The following PRDM16 variants were observed in gnomAD, a reference collection of about 807,000 sequenced individuals.
PRDM16 encodes the protein PR/SET domain 16.
Under a neutral mutation model 110.6 loss-of-function variants are expected in PRDM16, and 23 were observed. The ratio of observed to expected loss-of-function variants is 0.21; its 90% confidence interval spans 0.15 to 0.29. The LOEUF is 0.29. Ranked by LOEUF, PRDM16 falls within the 10% of genes least tolerant of loss-of-function variation. The probability of loss-of-function intolerance (pLI) is 1.00; values close to 1 mark genes in which losing one functional copy is unlikely to be tolerated. For synonymous variants in PRDM16, 799 were observed against 781.8 expected (o/e 1.02, Z -0.37); for missense variants, 1,615 against 1,794.3 (o/e 0.90, Z 1.81).
At chr1:3,154,789 G>A (rs991551981) in intron 1 of PRDM16, among the ~76,000 whole-genome samples, 1 of 152,204 alleles carries the variant, frequency 6.6e-6, no homozygotes, top group Non-Finnish European at 1.5e-5. Context: ...CCCTGGGTCA[G>A]GGGGTAGTGG....
chr1:3,197,603 A>G (rs1378063116), intron 2 of PRDM16, among the ~76,000 whole-genome samples: 1 of 152,234 alleles, frequency 6.6e-6, no homozygotes, highest in Non-Finnish European at 1.5e-5. Context: ...CTAAGACTGA[A>G]GAATCTACAG....
chr1:3,337,954 A>C (rs1378884954), intron 3 of PRDM16, among the ~76,000 whole-genome samples: 2 of 149,584 alleles, frequency 1.3e-5, no homozygotes, highest in African/African-American at 5.1e-5. Context: ...ACATATGCCC[A>C]CACACTGGCA....
At chr1:3,277,258 C>G (rs1640607222) in intron 3 of PRDM16, among the ~76,000 whole-genome samples, 1 of 152,208 alleles carries the variant, frequency 6.6e-6, no homozygotes, top group Non-Finnish European at 1.5e-5. Context: ...CTGGATCTTG[C>G]AAACAGTCGA....
intron 3 of PRDM16, among the ~76,000 whole-genome samples, chr1:3,270,556 A>G (rs577056982): frequency 1.4e-5 from 2 of 147,302 alleles, no homozygotes; most frequent in Admixed American, 1.3e-4. Flanking sequence ...AAGACAGTCA[A>G]GAGGAGCATA....
At chr1:3,301,018 C>T (rs546073295) in intron 3 of PRDM16, among the ~76,000 whole-genome samples, 149 of 152,262 alleles carry the variant, frequency 9.8e-4, no homozygotes, top group African/African-American at 3.3e-3. Context: ...CCCACCAAAC[C>T]TGACATGAAG....
chr1:3,205,358 C>A (rs541657830), intron 2 of PRDM16, among the ~76,000 whole-genome samples: 1 of 152,098 alleles, frequency 6.6e-6, no homozygotes, highest in Admixed American at 6.5e-5. Context: ...CACTTACACC[C>A]GGGAAAATGC....
chr1:3,417,931 T>C lies in PRDM16; in HGVS notation c.2795T>C (p.Phe932Ser). The change falls in exon 11 of 17, where the codon TTC becomes TCC. Residue 932 changes from phenylalanine (F) to serine (S), a missense_variant. By Grantham distance (155) the Phe-to-Ser change is radical (BLOSUM62 -2). This residue lies in a region of PRDM16 where 772 missense variants were observed against 748.3 expected (regional missense o/e 1.03). Transcript: ENST00000270722. ...LQPLPHHPFN[F>S]RSPPPTLSDP... ...CCCCTCCCCCACCACCCCTTCAACTTCCGGTCCCCACCCCCAACGCTCTCC... is the reference window on the plus strand; with the variant it reads ...CCCCTCCCCCACCACCCCTTCAACTCCCGGTCCCCACCCCCAACGCTCTCC... 1 of 1,612,592 alleles carries C rather than the reference T, an allele frequency of 6.2e-7. No homozygotes were observed. Among genetic ancestry groups the C allele is most frequent in the Non-Finnish European group, 8.5e-7 (1 of 1,179,418 alleles).
intron 3 of PRDM16, among the ~76,000 whole-genome samples, chr1:3,369,186 C>G (rs72849637): frequency 0.13 from 19,403 of 152,100 alleles, 1,907 homozygotes; most frequent in African/African-American, 0.28. Context: ...TCGGGGGGAG[C>G]GAGCGCGCTA....
chr1:3,288,513 C>T (rs765053553), intron 3 of PRDM16, among the ~76,000 whole-genome samples: 2 of 152,154 alleles, frequency 1.3e-5, no homozygotes, highest in Non-Finnish European at 2.9e-5. Context: ...GAGACCTGAG[C>T]CTGTGGCCAG....
At chr1:3,113,305 G>A (rs991065853) in intron 1 of PRDM16, among the ~76,000 whole-genome samples, 1 of 152,208 alleles carries the variant, frequency 6.6e-6, no homozygotes, top group Non-Finnish European at 1.5e-5. Context: ...CAGGACAGGG[G>A]CCCGGAGGAG....
intron 2 of PRDM16, among the ~76,000 whole-genome samples, chr1:3,212,816 C>T (rs1367050537): frequency 6.6e-6 from 1 of 152,220 alleles, no homozygotes; most frequent in Non-Finnish European, 1.5e-5. Flanking sequence ...CCTCCCTGAC[C>T]CCAGCTCTGC....
intron 9 of PRDM16, among the ~76,000 whole-genome samples, chr1:3,413,043 C>T (rs1643720373): frequency 6.6e-6 from 1 of 152,134 alleles, no homozygotes; most frequent in South Asian, 2.1e-4. Context: ...GACGGGTGCT[C>T]CTGGACACGT....
At position 3,081,782 on chromosome 1, in the gene PRDM16, G is replaced by T. The variant is rs1035973577; in HGVS notation, c.37+12486G>T. Among the ~76,000 whole-genome samples, 19 of 151,962 alleles carry T rather than the reference G, an allele frequency of 1.3e-4. No homozygotes were observed. In the Middle Eastern group the frequency reaches 0.014, roughly 109 times the overall value. ...CCCCCATGGAAGGCCCGTGTTGGGG[G>T]ACCTTCCATGGGCAGCAGGGCAGCA... On this transcript the variant is annotated intron_variant, in intron 1 of 16. Transcript: ENST00000270722. The surrounding 1 kb of genome is among the most constrained non-coding windows in gnomAD (Gnocchi z 4.6).
At chr1:3,238,389 A>G (rs1015621618) in intron 2 of PRDM16, among the ~76,000 whole-genome samples, 3 of 152,206 alleles carry the variant, frequency 2.0e-5, no homozygotes, top group Non-Finnish European at 2.9e-5. Flanking sequence ...GCCTCCATTC[A>G]TTGGATGGAT....
At chr1:3,355,101 C>G (rs921967750) in intron 3 of PRDM16, among the ~76,000 whole-genome samples, 1 of 152,068 alleles carries the variant, frequency 6.6e-6, no homozygotes, top group East Asian at 1.9e-4. Context: ...CCAGGCCTCT[C>G]GCCTTGAGAC....
chr1:3,303,230 C>T (rs1397763301), intron 3 of PRDM16, among the ~76,000 whole-genome samples: 1 of 151,724 alleles, frequency 6.6e-6, no homozygotes, highest in East Asian at 1.9e-4. Flanking sequence ...CCCAGTTTCT[C>T]CTCTCCCCCC....
chr1:3,205,314 G>A (rs1638730320), intron 2 of PRDM16, among the ~76,000 whole-genome samples: 1 of 152,124 alleles, frequency 6.6e-6, no homozygotes, highest in Non-Finnish European at 1.5e-5. Flanking sequence ...CACCCCGCCG[G>A]GGAGACCGCC....
chr1:3,185,816 A>C (rs937456434), intron 1 of PRDM16, among the ~76,000 whole-genome samples: 1 of 152,206 alleles, frequency 6.6e-6, no homozygotes, highest in African/African-American at 2.4e-5. Context: ...CACCCGGCGC[A>C]TCCTCAGGTG....
chr1:3,198,570 C>A (rs1345099168), intron 2 of PRDM16, among the ~76,000 whole-genome samples: 2 of 152,210 alleles, frequency 1.3e-5, no homozygotes, highest in East Asian at 3.9e-4. Flanking sequence ...CACCACCGTG[C>A]TTTCCAGGGA....
Sources: allele counts gnomAD v4.1 joint callset (sites outside exome capture counted in the v4.1 genomes callset), GRCh38; gene constraint gnomAD v4.1.1; regional missense constraint gnomAD v4.1.1; non-coding constraint Gnocchi (gnomAD v3.1); transcripts MANE v1.5; gene names NCBI Gene and HGNC (gene_info 2026-07-23, HGNC 2026-07-21).